Variants in ATP6V0A4 observed in about 807,000 individuals in gnomAD.
The protein encoded by ATP6V0A4 is ATPase H+ transporting V0 subunit a4.
A neutral mutation model predicts 107.3 loss-of-function variants in ATP6V0A4; 86 were observed. That is an observed-to-expected ratio of 0.80 (90% CI 0.67 to 0.96). The LOEUF is 0.96. Ranked by LOEUF, ATP6V0A4 falls within the 40% of genes least tolerant of loss-of-function variation. ATP6V0A4 has a pLI of 0.00. For missense variants in ATP6V0A4, 908 were observed against 1,045.6 expected (o/e 0.87, Z 1.81); for synonymous variants, 353 against 381.4 (o/e 0.93, Z 0.87).
chr7:138,785,246 A>G (rs1584951754), intron 2 of ATP6V0A4, among the ~76,000 whole-genome samples: 1 of 150,222 alleles, frequency 6.7e-6, no homozygotes, highest in African/African-American at 2.4e-5. Context: ...TTTATCATCC[A>G]CTCAAACTGA....
At chr7:138,718,597 A>C (rs1414912351) in intron 19 of ATP6V0A4, among the ~76,000 whole-genome samples, 10 of 68,872 alleles carry the variant, frequency 1.5e-4, no homozygotes, top group South Asian at 6.0e-4. Context: ...AATGGGGAGG[A>C]ATGGGGAGGA....
At chr7:138,779,405 G>A (rs994079610) in intron 2 of ATP6V0A4, among the ~76,000 whole-genome samples, 12 of 151,866 alleles carry the variant, frequency 7.9e-5, no homozygotes, top group African/African-American at 2.4e-4. Flanking sequence ...ACATATAGAT[G>A]GAATATCTGT....
At chr7:138,775,625 C>T (rs1807621884) in intron 2 of ATP6V0A4, among the ~76,000 whole-genome samples, 1 of 146,862 alleles carries the variant, frequency 6.8e-6, no homozygotes, top group African/African-American at 2.5e-5. Context: ...TACAGGTGTG[C>T]ATCACTATGA....
rs141568521 is a variant in ATP6V0A4 at position 138,732,979 on chromosome 7, G to A, written c.1806C>T (p.Asp602=). The change falls in exon 17 of 22, where the codon GAC becomes GAT. Residue 602 remains aspartate (D), a synonymous_variant. Coordinates refer to ENST00000310018, the MANE Select transcript of ATP6V0A4 (RefSeq NM_020632.3). ...TGGGGGCGTGCTGAGATACATGGAC[G>A]TCAAAGCAGCACCATTTGAAAATGA... ...FMIIFKWCCF[D]VHVSQHAPSI... The A allele has an allele frequency of 1.2e-4, 198 of 1,613,714 alleles. 1 individual carries two copies. The African/African-American group carries it at 2.3e-3, about 18-fold the overall frequency.
At chr7:138,757,395 G>A (rs143490728) in intron 8 of ATP6V0A4, among the ~76,000 whole-genome samples, 7 of 152,122 alleles carry the variant, frequency 4.6e-5, no homozygotes, top group Non-Finnish European at 1.0e-4. Flanking sequence ...GCTCACCTGT[G>A]GTCCCAGCTA....
At chr7:138,794,625 T>C (rs1345349983) in intron 1 of ATP6V0A4, among the ~76,000 whole-genome samples, 1 of 151,676 alleles carries the variant, frequency 6.6e-6, no homozygotes, top group Non-Finnish European at 1.5e-5. Flanking sequence ...ACTTTTAAAA[T>C]AGTGTGTGTA....
chr7:138,729,902 G>C lies in ATP6V0A4; in HGVS notation c.1909-1040C>G, dbSNP rs1439149733. 3.3e-5 allele frequency among the ~76,000 whole-genome samples: 5 copies of C among 151,410 alleles called. No homozygotes were observed. The East Asian group carries it at 9.7e-4, about 29-fold the overall frequency. On this transcript the variant is annotated intron_variant, in intron 17 of 21. Transcript: ENST00000310018. ...CCATCCTCACTCAACTTTTTTTTTT[G>C]AGATGGAGTCTCGCTCTGTTGCCTA...
At chr7:138,707,969 T>C (rs1302458933) in intron 21 of ATP6V0A4, among the ~76,000 whole-genome samples, 3 of 152,008 alleles carry the variant, frequency 2.0e-5, no homozygotes, top group Non-Finnish European at 2.9e-5. Flanking sequence ...TTGACCTGTA[T>C]TTTTGTAACT....
At chr7:138,781,157 G>A (rs1276872555) in intron 2 of ATP6V0A4, among the ~76,000 whole-genome samples, 2 of 152,236 alleles carry the variant, frequency 1.3e-5, no homozygotes, top group East Asian at 1.9e-4. Flanking sequence ...AGGCTAGAGA[G>A]TTGATATTCC....
chr7:138,752,190 T>A (rs930090438), intron 11 of ATP6V0A4, among the ~76,000 whole-genome samples: 2 of 151,750 alleles, frequency 1.3e-5, no homozygotes, highest in African/African-American at 2.4e-5. Context: ...GCCAACATGG[T>A]GAAACCCCGT....
chr7:138,718,063 GGT>G (rs1326755326), intron 19 of ATP6V0A4, among the ~76,000 whole-genome samples: 1 of 138,696 alleles, frequency 7.2e-6, no homozygotes, highest in Non-Finnish European at 1.5e-5. Context: ...TACAGTCACG[GGT>G]GTCTGTGGAG....
At chr7:138,738,992 T>G (rs1805481856) in intron 15 of ATP6V0A4, among the ~76,000 whole-genome samples, 1 of 152,216 alleles carries the variant, frequency 6.6e-6, no homozygotes, top group South Asian at 2.1e-4. Context: ...CAAAACCGCT[T>G]TATATCTACA....
chr7:138,732,300 AT>A (rs1805060826), intron 17 of ATP6V0A4, among the ~76,000 whole-genome samples: 1 of 152,152 alleles, frequency 6.6e-6, no homozygotes, highest in South Asian at 2.1e-4. Context: ...TTCATAGCCA[AT>A]GTACAAGACA....
chr7:138,718,249 TGCGGAGGGAGACGTC>T (rs1376283130), intron 19 of ATP6V0A4, among the ~76,000 whole-genome samples: 2 of 60,732 alleles, frequency 3.3e-5, no homozygotes, highest in African/African-American at 1.4e-4. Context: ...TATGGATGTC[TGCGGAGGGAGACGTC>T]CAGGAAGGAA....
At chr7:138,752,473 G>A (rs1417342264) in intron 11 of ATP6V0A4, 152 bp downstream of exon 11, 10 of 967,074 alleles carry the variant, frequency 1.0e-5, no homozygotes, top group East Asian at 5.3e-5. Flanking sequence ...TTATGTCCTC[G>A]AGTGGGGTTG....
rs185303990 is a variant in ATP6V0A4 at position 138,784,939 on chromosome 7, T to G, written c.-18+1219A>C. On this transcript the variant is annotated intron_variant, in intron 2 of 21. Transcript: ENST00000310018. The stretch of plus-strand genomic sequence containing the variant: ...AGATGAGCATTCCACTTACGTGCCT[T>G]TAAAACGGGCATTCCTTTAACACAG... 1.3e-3 allele frequency among the ~76,000 whole-genome samples: 199 copies of G among 152,284 alleles called. 1 individual carries two copies. Among genetic ancestry groups the G allele is most frequent in the African/African-American group, 4.7e-3 (195 of 41,554 alleles).
intron 14 of ATP6V0A4, among the ~76,000 whole-genome samples, chr7:138,742,342 G>A (rs1805673169): frequency 1.3e-5 from 2 of 151,996 alleles, no homozygotes; most frequent in African/African-American, 2.4e-5. Context: ...CAGGAGAATC[G>A]CTAGAACCCG....
intron 15 of ATP6V0A4, among the ~76,000 whole-genome samples, chr7:138,739,217 C>T (rs922979615): frequency 2.4e-4 from 36 of 152,100 alleles, no homozygotes; most frequent in Admixed American, 1.2e-3. Context: ...TTGATTAGGA[C>T]GCTAAATAGC....
In ATP6V0A4 at chr7:138,749,202, G is replaced by A. The variant is rs367645346; in HGVS notation, c.1145C>T (p.Ala382Val). The A allele has an allele frequency of 5.6e-6, 9 of 1,613,868 alleles. No individual in the cohort carries two copies. Among genetic ancestry groups the A allele is most frequent in the Admixed American group, 1.7e-5 (1 of 59,978 alleles). Residue 382 changes from alanine (A) to valine (V), a missense_variant, in exon 12 of 22, where the codon GCC (alanine) becomes GTC (valine). Transcript: ENST00000310018. ...CTCCCGGTAGCTGCCGACACCATAG[G>A]CATCAACAATATTCTGGAAGCCAGC... is the stretch of plus-strand genomic sequence containing the variant. ...FTAGFQNIVD[A>V]YGVGSYREIN...
Sources: allele counts gnomAD v4.1 joint callset (sites outside exome capture counted in the v4.1 genomes callset), GRCh38; gene constraint gnomAD v4.1.1; transcripts MANE v1.5; gene names NCBI Gene and HGNC (gene_info 2026-07-23, HGNC 2026-07-21).